RNF121: variants seen among roughly 807,000 people sequenced by gnomAD.
RNF121 encodes E3 ubiquitin ligase RNF121.
A neutral mutation model predicts 46.5 loss-of-function variants in RNF121; 21 were observed. That is an observed-to-expected ratio of 0.45 (90% CI 0.32 to 0.65). The LOEUF is 0.65. RNF121 is among the 30% of genes least tolerant of loss of function. The pLI, the probability that RNF121 is intolerant of heterozygous loss-of-function variation, is 0.04. For synonymous variants in RNF121, 139 were observed against 144.7 expected (o/e 0.96, Z 0.28); for missense variants, 346 against 416.0 (o/e 0.83, Z 1.46).
In RNF121 at chr11:71,983,991, C is replaced by G. The variant is rs530190393; in HGVS notation, c.398+1076C>G. Among the ~76,000 whole-genome samples, 18 of 152,314 alleles carry G rather than the reference C, an allele frequency of 1.2e-4. 1 individual carries two copies. The South Asian group carries it at 3.7e-3, about 32-fold the overall frequency. ...GTTCCTCTCTGGCTTTGGTAGTTTA[C>G]TTTAAAGGCCACTGTGGAAGATACA... On this transcript the variant is annotated intron_variant, in intron 4 of 8. Coordinates refer to ENST00000361756, the MANE Select transcript of RNF121 (RefSeq NM_018320.5).
At chr11:71,971,742 C>T (rs1415493655) in intron 3 of RNF121, among the ~76,000 whole-genome samples, 1 of 152,178 alleles carries the variant, frequency 6.6e-6, no homozygotes, top group Non-Finnish European at 1.5e-5. Context: ...CACTTTACAT[C>T]TATTAGGTTG....
chr11:71,995,414 T>C (rs779966531), intron 7 of RNF121, 36 bp from the exon 8 acceptor site: 31 of 1,529,778 alleles, frequency 2.0e-5, no homozygotes, highest in Non-Finnish European at 2.8e-5. Context: ...AGTGCCGCCC[T>C]GGCTCTCACC....
At chr11:71,954,779 A>G (rs1254885220) in intron 1 of RNF121, among the ~76,000 whole-genome samples, 1 of 152,124 alleles carries the variant, frequency 6.6e-6, no homozygotes, top group Non-Finnish European at 1.5e-5. Flanking sequence ...CATAGTTTTT[A>G]ACATGATTTC....
At chr11:71,986,625 C>T (rs950319925) in intron 4 of RNF121, among the ~76,000 whole-genome samples, 4 of 151,726 alleles carry the variant, frequency 2.6e-5, no homozygotes, top group East Asian at 3.9e-4. Flanking sequence ...AAAAATTAGC[C>T]GGGTGTGGTG....
chr11:71,995,370 G>T, intron 7 of RNF121, 80 bp from the exon 8 acceptor site: 1 of 1,139,650 alleles, frequency 8.8e-7, no homozygotes. Context: ...AGCGAAGGCA[G>T]GATTTGAACC....
intron 3 of RNF121, among the ~76,000 whole-genome samples, chr11:71,963,513 G>A (rs776103373): frequency 2.6e-5 from 4 of 152,094 alleles, no homozygotes; most frequent in South Asian, 4.1e-4. Flanking sequence ...CCAGCTACTC[G>A]GAAGGCTGAG....
Position 71,987,492 on chromosome 11 carries a change from A to C in RNF121, c.506+381A>C, listed in dbSNP as rs148208807. ...GCATCCACTCTGCATGAATGGCCTT[A>C]CGTTCAACTAGGCCAGGGGTTGGCA... On this transcript the variant is annotated intron_variant, in intron 5 of 8. Coordinates refer to ENST00000361756, the MANE Select transcript of RNF121 (RefSeq NM_018320.5). Among the ~76,000 whole-genome samples, 457 of 152,292 alleles carry C rather than the reference A, an allele frequency of 3.0e-3. 2 individuals carry two copies. The highest frequency in any genetic ancestry group is 0.011 in the African/African-American group (440 of 41,546).
chr11:71,960,974 G>A (rs1954117888), intron 3 of RNF121, 83 bp downstream of exon 3: 4 of 1,473,260 alleles, frequency 2.7e-6, no homozygotes, highest in Non-Finnish European at 2.8e-6. Flanking sequence ...GCCTAACCCA[G>A]GCCACATGGA....
At position 71,960,999 on chromosome 11, in the gene RNF121, A is replaced by G. The variant is rs981156748; in HGVS notation, c.243+108A>G. ...GGCCACATGGAGGTGGAGAAAGACA[A>G]TAACAATGAACTTTATGTATGAATG... On this transcript the variant is annotated intron_variant, in intron 3 of 8. Coordinates refer to ENST00000361756, the MANE Select transcript of RNF121 (RefSeq NM_018320.5). 7.9e-6 allele frequency: 10 copies of G among 1,262,818 alleles called. No individual in the cohort carries two copies. In the Admixed American group the frequency reaches 1.3e-4, roughly 16 times the overall value. 78.2% of individuals were successfully genotyped at this position (1,262,818 alleles called of 1,614,324 possible).
At chr11:71,973,186 C>CAA (rs112904022) in intron 3 of RNF121, among the ~76,000 whole-genome samples, 1 of 135,886 alleles carries the variant, frequency 7.4e-6, no homozygotes, top group Non-Finnish European at 1.6e-5. Context: ...AACTCCATCT[C>CAA]AAAAAAAAAA....
At chr11:71,980,306 G>T (rs915847167) in intron 3 of RNF121, among the ~76,000 whole-genome samples, 2 of 151,612 alleles carry the variant, frequency 1.3e-5, no homozygotes, top group African/African-American at 4.8e-5. Context: ...TCTCTGTTCT[G>T]TTCTGTTCTC....
intron 1 of RNF121, among the ~76,000 whole-genome samples, chr11:71,929,623 A>G (rs1953216860): frequency 6.6e-6 from 1 of 152,198 alleles, no homozygotes; most frequent in Non-Finnish European, 1.5e-5. Flanking sequence ...GTTCCATTCT[A>G]AGACTTTGTA....
intron 1 of RNF121, among the ~76,000 whole-genome samples, chr11:71,943,072 A>G (rs1339409667): frequency 1.3e-5 from 2 of 152,048 alleles, no homozygotes; most frequent in South Asian, 4.1e-4. Context: ...TCTTAATACT[A>G]TTGCATTGGA....
intron 3 of RNF121, chr11:71,978,106 G>T: frequency 2.6e-6 from 1 of 382,500 alleles, no homozygotes. Context: ...TCACCGTGTT[G>T]CCCAGGCTGG....
intron 1 of RNF121, among the ~76,000 whole-genome samples, chr11:71,955,948 G>A (rs1336355705): frequency 6.6e-6 from 1 of 152,166 alleles, no homozygotes. Flanking sequence ...GATTGGTTAG[G>A]CAAAGTCCTG....
At chr11:71,941,540 CAAAT>C (rs1176109184) in intron 1 of RNF121, among the ~76,000 whole-genome samples, 1 of 152,082 alleles carries the variant, frequency 6.6e-6, no homozygotes, top group Non-Finnish European at 1.5e-5. Flanking sequence ...AAGTAGATAA[CAAAT>C]AAACAGGATA....
chr11:71,955,799 A>G (rs1295501135), intron 1 of RNF121, among the ~76,000 whole-genome samples: 2 of 152,200 alleles, frequency 1.3e-5, no homozygotes, highest in African/African-American at 4.8e-5. Context: ...TTGCCTGCTC[A>G]GGTACCTCCC....
intron 3 of RNF121, among the ~76,000 whole-genome samples, chr11:71,972,287 ATGT>A (rs779620531): frequency 7.2e-5 from 11 of 152,226 alleles, no homozygotes; most frequent in Non-Finnish European, 1.2e-4. Context: ...TCCCCGGAGA[ATGT>A]TGTGTAAAGG....
chr11:71,990,475 C>A, intron 5 of RNF121, 122 bp from the exon 6 acceptor site: 1 of 1,257,590 alleles, frequency 8.0e-7, no homozygotes, highest in Non-Finnish European at 1.1e-6. Context: ...CATAGTTTGC[C>A]CGCACTTGCT....
Sources: gnomAD v4.1 joint callset for allele counts (sites outside exome capture counted in the v4.1 genomes callset) on GRCh38, gnomAD v4.1.1 for gene constraint, MANE v1.5 for transcripts, NCBI Gene and HGNC (gene_info 2026-07-23, HGNC 2026-07-21) for gene names.